Variants in ASIC5 observed in about 807,000 individuals in gnomAD.
ASIC5 encodes the protein acid sensing ion channel subunit family member 5.
ASIC5 carries 52 observed loss-of-function variants against 51.2 expected under a neutral mutation model. The observed-to-expected ratio is 1.02, with a 90% CI of 0.81 to 1.28. The LOEUF (loss-of-function observed/expected upper bound fraction) is 1.28, where lower values mean the gene tolerates loss of function less well. Ranked by LOEUF, ASIC5 falls within the 50% of genes most tolerant of loss-of-function variation. The probability of loss-of-function intolerance (pLI) is 0.00; values close to 1 mark genes in which losing one functional copy is unlikely to be tolerated. For missense variants in ASIC5, 635 were observed against 595.0 expected, an observed-to-expected ratio of 1.07 and a Z score of -0.70; for synonymous variants, 231 against 200.7, an observed-to-expected ratio of 1.15 and a Z score of -1.28.
chr4:155,863,491 C>A lies in ASIC5; in HGVS notation c.304G>T (p.Glu102Ter). 6.2e-7 allele frequency: 1 copy of A among 1,613,590 alleles called. No individual in the cohort carries two copies. Among genetic ancestry groups the A allele is most frequent in the Non-Finnish European group, 8.5e-7 (1 of 1,179,766 alleles). Reference protein sequence around the residue: ...TTTSIEVQYVEKMEFPAVTFC... With the variant: ...TTTSIEVQYV ...GTCACAGCTGGGAACTCCATCTTTT[C>A]CACATATTGAACCTCAATGGACGTT... is the stretch of plus-strand genomic sequence containing the variant. Residue 102 changes from glutamate (E) to a stop codon, truncating the protein, a stop_gained, in exon 2 of 10, where the codon GAA becomes TAA. Transcript: ENST00000537611. LOFTEE classifies it high-confidence loss of function.
chr4:155,848,538 T>C (rs1337101631), intron 4 of ASIC5, among the ~76,000 whole-genome samples: 1 of 152,096 alleles, frequency 6.6e-6, no homozygotes, highest in Admixed American at 6.6e-5. Context: ...ATAATTGTTA[T>C]GTTAAAATTA....
chr4:155,834,038 A>T (rs1740926255), intron 8 of ASIC5, among the ~76,000 whole-genome samples: 1 of 152,236 alleles, frequency 6.6e-6, no homozygotes, highest in African/African-American at 2.4e-5. Flanking sequence ...TGGCATAAAG[A>T]AAACAATTTT....
chr4:155,853,015 A>G (rs914956779), intron 3 of ASIC5, among the ~76,000 whole-genome samples: 1 of 152,050 alleles, frequency 6.6e-6, no homozygotes, highest in Non-Finnish European at 1.5e-5. Context: ...ACAGTCTTGG[A>G]GTCCGTTGGT....
In ASIC5 at chr4:155,862,531, T is replaced by G. The variant is rs1037523827; in HGVS notation, c.347+917A>C. 2.0e-5 allele frequency among the ~76,000 whole-genome samples: 3 copies of G among 152,146 alleles called. No individual in the cohort carries two copies. The East Asian group carries it at 5.8e-4, about 29-fold the overall frequency. ...CAAAAATCCTATGTATGGTATTTCA[T>G]GCTTCACCACAGGCAATTACAAAGC... On this transcript the variant is annotated intron_variant, in intron 2 of 9. Coordinates refer to ENST00000537611, the MANE Select transcript of ASIC5 (RefSeq NM_017419.3).
At chr4:155,860,256 A>G (rs1741666027) in intron 2 of ASIC5, among the ~76,000 whole-genome samples, 1 of 151,890 alleles carries the variant, frequency 6.6e-6, no homozygotes, top group Non-Finnish European at 1.5e-5. Context: ...ATGATATATA[A>G]TACTTATGTT....
chr4:155,836,358 T>C (rs1740979616), intron 8 of ASIC5, among the ~76,000 whole-genome samples: 1 of 152,232 alleles, frequency 6.6e-6, no homozygotes, highest in Non-Finnish European at 1.5e-5. Context: ...ACTCAAAGTG[T>C]ATAATGTACA....
rs141296920 is a variant in ASIC5, at chr4:155,830,200, C to T, written c.1328-154G>A. Among the ~76,000 whole-genome samples, 33 of 152,088 alleles carry T rather than the reference C, an allele frequency of 2.2e-4. No individual in the cohort carries two copies. The East Asian group carries it at 5.6e-3, about 26-fold the overall frequency. ...ACATTTGATATGAATAAGGTAATAG[C>T]AATTGGTAATATCAAAGTGGTATTC... On this transcript the variant is annotated intron_variant, in intron 9 of 9. Coordinates refer to ENST00000537611, the MANE Select transcript of ASIC5 (RefSeq NM_017419.3).
rs779367238 is a variant in ASIC5 at position 155,843,791 on chromosome 4, C to T, written c.751G>A (p.Ala251Thr). The change falls in exon 5 of 10, where the codon GCT becomes ACT. Residue 251 changes from alanine to threonine, a missense_variant. Physicochemically the swap from Ala to Thr is moderately conservative, Grantham distance 58. Coordinates refer to ENST00000537611, the MANE Select transcript of ASIC5 (RefSeq NM_017419.3). ...GAATGGATAACAAAGATGATCCCAG[C>T]ATCAACGAAACCAAGGGCTGGGTTA... is the stretch of plus-strand genomic sequence containing the variant. ...TDNPALGFVD[A>T]GIIFVIHSPK... 5 of 1,613,600 alleles carry T rather than the reference C, an allele frequency of 3.1e-6. No individual in the cohort carries two copies. In the South Asian group the frequency reaches 5.5e-5, roughly 18 times the overall value.
intron 1 of ASIC5, among the ~76,000 whole-genome samples, chr4:155,863,980 A>G (rs537683723): frequency 6.6e-6 from 1 of 152,168 alleles, no homozygotes; most frequent in South Asian, 2.1e-4. Context: ...TATTCATAGA[A>G]CGGCTATTAT....
At chr4:155,851,917 C>G (rs573658076) in intron 4 of ASIC5, among the ~76,000 whole-genome samples, 1 of 151,962 alleles carries the variant, frequency 6.6e-6, no homozygotes, top group East Asian at 1.9e-4. Context: ...CTTAGAATCT[C>G]TGGGTTTTCT....
At chr4:155,840,087 G>A (rs1741082653) in intron 6 of ASIC5, among the ~76,000 whole-genome samples, 2 of 152,260 alleles carry the variant, frequency 1.3e-5, no homozygotes, top group South Asian at 4.1e-4. Flanking sequence ...ATATGCTAAA[G>A]TTCATGCAGA....
rs372815330 is a variant in ASIC5 at position 155,854,212 on chromosome 4, G to A, written c.450C>T (p.Gly150=). 29 of 1,613,170 alleles carry A rather than the reference G, an allele frequency of 1.8e-5. No individual in the cohort carries two copies. The highest frequency in any genetic ancestry group is 2.5e-5 in the Non-Finnish European group (29 of 1,179,506). The change falls in exon 3 of 10, where the codon GGC becomes GGT. Residue 150 remains glycine, a synonymous_variant. Transcript: ENST00000537611. Reference sequence around the variant, plus strand: ...CAGCAAAATCAGTAGCCTCTCTAGAGCCAGTGGAATTGGCAGTAATTTCTT... The same window carrying A: ...CAGCAAAATCAGTAGCCTCTCTAGAACCAGTGGAATTGGCAGTAATTTCTT... ...HLQEITANST[G]SREATDFAAS...
intron 8 of ASIC5, among the ~76,000 whole-genome samples, chr4:155,835,188 A>G (rs1000261173): frequency 2.0e-5 from 3 of 152,146 alleles, no homozygotes; most frequent in Non-Finnish European, 4.4e-5. Context: ...GTAGACAGCA[A>G]AGCTGAAAGA....
At chr4:155,858,316 T>A (rs1741599210) in intron 2 of ASIC5, among the ~76,000 whole-genome samples, 1 of 152,098 alleles carries the variant, frequency 6.6e-6, no homozygotes. Context: ...CATTGCTTCA[T>A]GTGAAAGAAA....
At chr4:155,864,902 TAG>T (rs1472878972) in intron 1 of ASIC5, 1 of 152,138 alleles carries the variant, frequency 6.6e-6, no homozygotes, top group Non-Finnish European at 1.5e-5. Flanking sequence ...TGTTCATAAT[TAG>T]GTGAATTAAC....
intron 2 of ASIC5, among the ~76,000 whole-genome samples, chr4:155,862,072 G>A (rs1449974460): frequency 2.0e-5 from 3 of 151,988 alleles, no homozygotes; most frequent in Admixed American, 6.6e-5. Context: ...AGAGTTTATG[G>A]ACTTCCTCAC....
At chr4:155,861,690 A>T (rs1741710520) in intron 2 of ASIC5, among the ~76,000 whole-genome samples, 1 of 152,002 alleles carries the variant, frequency 6.6e-6, no homozygotes. Flanking sequence ...ATATAGTTAG[A>T]TTTGCATCTG....
chr4:155,847,464 G>C (rs1197857904), intron 4 of ASIC5, among the ~76,000 whole-genome samples: 1 of 152,034 alleles, frequency 6.6e-6, no homozygotes, highest in African/African-American at 2.4e-5. Flanking sequence ...ATTCACACCT[G>C]TAATCCCAGC....
rs773437922 is a variant in ASIC5 at position 155,863,684 on chromosome 4, A to G, written c.111T>C (p.Phe37=). ...PLPSPTERKK[F]DHDFAISTSF... is the part of the protein sequence containing the mutation. ...AAGTGGAGATGGCAAAGTCATGGTC[A>G]AACTTCTTTCGCTCAGTGGGAGATG... Residue 37 remains phenylalanine, a synonymous_variant, in exon 2 of 10, where the codon TTT becomes TTC. Transcript: ENST00000537611. The G allele has an allele frequency of 5.0e-6, 8 of 1,613,978 alleles. No individual in the cohort carries two copies. In the South Asian group the frequency reaches 8.8e-5, roughly 18 times the overall value.
Sources: gnomAD v4.1 joint callset for allele counts (sites outside exome capture counted in the v4.1 genomes callset) on GRCh38, gnomAD v4.1.1 for gene constraint, MANE v1.5 for transcripts, NCBI Gene and HGNC (gene_info 2026-07-23, HGNC 2026-07-21) for gene names.